Variants in CCDC146 observed in about 807,000 individuals in gnomAD.
The protein encoded by CCDC146 is coiled-coil domain-containing protein 146.
In CCDC146, 92 loss-of-function variants were observed where a neutral mutation model predicts 119.3. The ratio of observed to expected loss-of-function variants is 0.77; its 90% confidence interval spans 0.65 to 0.92. CCDC146 has a LOEUF of 0.92. Among genes scored for constraint, CCDC146 ranks in the 40% least tolerant of loss-of-function variants. The pLI is 0.00. For missense variants in CCDC146, 1,000 were observed against 1,103.0 expected (o/e 0.91, Z 1.32); for synonymous variants, 372 against 371.8 (o/e 1.00, Z -0.01).
At position 77,151,555 on chromosome 7, in the gene CCDC146, A is replaced by G. The variant is rs562100589; in HGVS notation, c.-11-16103A>G. Among the ~76,000 whole-genome samples the G allele has an allele frequency of 2.6e-5, 4 of 152,292 alleles. No individual in the cohort carries two copies. The South Asian group carries it at 8.3e-4, about 32-fold the overall frequency. The stretch of plus-strand genomic sequence containing the variant: ...TCACACAACTGTCAACGTTTGTAAA[A>G]TCTCATTGAATTGTACACTTAAACT... On this transcript the variant is annotated intron_variant, in intron 1 of 18. Coordinates refer to ENST00000285871, the MANE Select transcript of CCDC146 (RefSeq NM_020879.3).
intron 4 of CCDC146, among the ~76,000 whole-genome samples, chr7:77,251,159 T>C (rs1793053429): frequency 6.6e-6 from 1 of 151,952 alleles, no homozygotes; most frequent in Non-Finnish European, 1.5e-5. Context: ...GTAGCTGGGA[T>C]TACAAGTGGC....
intron 3 of CCDC146, among the ~76,000 whole-genome samples, chr7:77,237,985 C>A (rs758726414): frequency 6.6e-6 from 1 of 152,202 alleles, no homozygotes; most frequent in Non-Finnish European, 1.5e-5. Context: ...CCTCTCCCCG[C>A]AATTCCCAAT....
intron 4 of CCDC146, chr7:77,242,436 T>C: frequency 1.0e-6 from 1 of 965,784 alleles, no homozygotes; most frequent in Non-Finnish European, 1.2e-6. Context: ...AAAAGGTATA[T>C]CCTTTTGGAA....
chr7:77,167,193 T>C (rs1791349594), intron 1 of CCDC146, among the ~76,000 whole-genome samples: 1 of 152,094 alleles, frequency 6.6e-6, no homozygotes, highest in Non-Finnish European at 1.5e-5. Context: ...GTAGACAATA[T>C]GAAAAATAGT....
At chr7:77,165,549 G>A (rs1248371259) in intron 1 of CCDC146, among the ~76,000 whole-genome samples, 10 of 152,234 alleles carry the variant, frequency 6.6e-5, no homozygotes, top group Admixed American at 3.3e-4. Flanking sequence ...GAGTCCCAAG[G>A]CAGCCAGGCC....
chr7:77,259,241 C>T, intron 7 of CCDC146, 173 bp downstream of exon 7: 1 of 504,950 alleles, frequency 2.0e-6, no homozygotes, highest in Non-Finnish European at 3.5e-6. Context: ...AGTAATGCAC[C>T]AAATTTCTAT....
intron 9 of CCDC146, among the ~76,000 whole-genome samples, chr7:77,264,300 C>T (rs2150520524): frequency 6.6e-6 from 1 of 152,088 alleles, no homozygotes; most frequent in Non-Finnish European, 1.5e-5. Flanking sequence ...TGCTTTGCTG[C>T]CCAGGCTGAA....
intron 2 of CCDC146, among the ~76,000 whole-genome samples, chr7:77,201,926 C>A (rs1035255499): frequency 8.0e-5 from 12 of 150,766 alleles, no homozygotes; most frequent in Middle Eastern, 3.4e-3. Context: ...AAAAAAAAAA[C>A]CATTTTGTAA....
intron 1 of CCDC146, among the ~76,000 whole-genome samples, chr7:77,146,023 A>C (rs1251247765): frequency 6.6e-6 from 1 of 151,738 alleles, no homozygotes; most frequent in South Asian, 2.1e-4. Flanking sequence ...TGGGGTGTTA[A>C]AGTCTCCCAT....
Position 77,240,981 on chromosome 7 carries a change from TG to T in CCDC146, c.240-709del, listed in dbSNP as rs774856286. On this transcript the variant is annotated intron_variant, in intron 3 of 18. Coordinates refer to ENST00000285871, the MANE Select transcript of CCDC146 (RefSeq NM_020879.3). ...CACGTTGACATTTTTTGTTTTTTTTTGTTTGTTTGTTTGTTTGTTTTTTTGG... is the reference window on the plus strand; with the variant it reads ...CACGTTGACATTTTTTGTTTTTTTTTTTTGTTTGTTTGTTTGTTTTTTTGG... Among the ~76,000 whole-genome samples, 1,394 of 147,698 alleles carry T rather than the reference TG, an allele frequency of 9.4e-3. 121 individuals carry two copies. Among genetic ancestry groups the T allele is most frequent in the African/African-American group, 0.029 (1,143 of 39,812 alleles).
At chr7:77,292,098 C>T (rs1793954854) in intron 17 of CCDC146, among the ~76,000 whole-genome samples, 1 of 151,668 alleles carries the variant, frequency 6.6e-6, no homozygotes, top group Non-Finnish European at 1.5e-5. Context: ...GAGTTCAAAA[C>T]TAGCCTTGTC....
chr7:77,184,087 G>A (rs1398403743), intron 2 of CCDC146, among the ~76,000 whole-genome samples: 2 of 152,134 alleles, frequency 1.3e-5, no homozygotes, highest in Non-Finnish European at 2.9e-5. Context: ...AGCCCCCAAA[G>A]GGATATGTGA....
At chr7:77,207,000 T>TA (rs1562833156) in intron 2 of CCDC146, among the ~76,000 whole-genome samples, 1 of 152,160 alleles carries the variant, frequency 6.6e-6, no homozygotes, top group Admixed American at 6.5e-5. Flanking sequence ...TTCTTTTTTT[T>TA]AAAGATTCTT....
intron 3 of CCDC146, among the ~76,000 whole-genome samples, chr7:77,237,797 AG>A (rs1315501601): frequency 1.3e-5 from 2 of 152,216 alleles, no homozygotes; most frequent in African/African-American, 2.4e-5. Context: ...CTGGGAATTA[AG>A]AGGGCAGGGG....
chr7:77,126,553 G>A (rs1163495555), intron 1 of CCDC146, among the ~76,000 whole-genome samples: 1 of 152,050 alleles, frequency 6.6e-6, no homozygotes, highest in African/African-American at 2.4e-5. Flanking sequence ...GCCCTGGAGA[G>A]GGTAGCTCCT....
chr7:77,162,411 CAT>C (rs1421942672), intron 1 of CCDC146, among the ~76,000 whole-genome samples: 4 of 152,184 alleles, frequency 2.6e-5, no homozygotes, highest in African/African-American at 9.7e-5. Flanking sequence ...CTATGTTGTG[CAT>C]TCTTGACATC....
intron 1 of CCDC146, among the ~76,000 whole-genome samples, chr7:77,164,062 C>T (rs1242496435): frequency 6.6e-6 from 1 of 151,776 alleles, no homozygotes; most frequent in Admixed American, 6.6e-5. Flanking sequence ...GGGGTTTCAC[C>T]ATGTTTGCCA....
Position 77,140,014 on chromosome 7 carries a change from C to T in CCDC146, c.-12+17282C>T, listed in dbSNP as rs573171474. On this transcript the variant is annotated intron_variant, in intron 1 of 18. Transcript: ENST00000285871. ...GGTTCAAGCCATTCTCCTGCCTCAGCCTCCCCAGTAGCTGGGATTACAGGC... is the reference window on the plus strand; with the variant it reads ...GGTTCAAGCCATTCTCCTGCCTCAGTCTCCCCAGTAGCTGGGATTACAGGC... Among the ~76,000 whole-genome samples, 25 of 152,088 alleles carry T rather than the reference C, an allele frequency of 1.6e-4. 1 individual carries two copies. In the East Asian group the frequency reaches 3.7e-3, roughly 22 times the overall value.
intron 4 of CCDC146, among the ~76,000 whole-genome samples, chr7:77,253,666 G>T (rs1050671168): frequency 6.6e-6 from 1 of 152,206 alleles, no homozygotes; most frequent in Admixed American, 6.5e-5. Context: ...TTTTCTAGTG[G>T]GGAGATGTGT....
Sources: allele counts gnomAD v4.1 joint callset (sites outside exome capture counted in the v4.1 genomes callset), GRCh38; gene constraint gnomAD v4.1.1; transcripts MANE v1.5; gene names NCBI Gene and HGNC (gene_info 2026-07-23, HGNC 2026-07-21).